Variants in CACNB4 observed in about 807,000 individuals in gnomAD.
The protein encoded by CACNB4 is voltage-dependent L-type calcium channel subunit beta-4.
Under a neutral mutation model 71.2 loss-of-function variants are expected in CACNB4, and 32 were observed. That is an observed-to-expected ratio of 0.45 (90% CI 0.34 to 0.60). The LOEUF is 0.60. Among genes scored for constraint, CACNB4 ranks in the 20% least tolerant of loss-of-function variants. CACNB4 has a pLI of 0.01. For missense variants in CACNB4, 464 were observed against 647.9 expected, an observed-to-expected ratio of 0.72 and a Z score of 3.08; for synonymous variants, 231 against 236.9, an observed-to-expected ratio of 0.97 and a Z score of 0.23.
In CACNB4 at chr2:151,869,095, G is replaced by A. The variant is rs141181998; in HGVS notation, c.758+82C>T. On this transcript the variant is annotated intron_variant, in intron 9 of 13. Transcript: ENST00000539935. ...TAACTAGAGAACTTCTGAAATCTCT[G>A]GAAACATAGATCTACAATTCAATTT... is the stretch of plus-strand genomic sequence containing the variant. The A allele has an allele frequency of 1.5e-3, 1,256 of 817,522 alleles. 5 individuals are homozygous for A. Among genetic ancestry groups the A allele is most frequent in the Non-Finnish European group, 1.8e-3 (900 of 488,206 alleles). 50.6% of individuals were successfully genotyped at this position (817,522 alleles called of 1,614,324 possible).
chr2:151,884,944 G>A (rs1017680730), intron 2 of CACNB4, among the ~76,000 whole-genome samples: 11 of 152,166 alleles, frequency 7.2e-5, no homozygotes, highest in African/African-American at 1.7e-4. Context: ...TGTCCACTGA[G>A]TGGGGGAAAA....
At chr2:152,013,529 G>A (rs891460864) in intron 2 of CACNB4, among the ~76,000 whole-genome samples, 4 of 152,080 alleles carry the variant, frequency 2.6e-5, no homozygotes, top group Admixed American at 2.6e-4. Flanking sequence ...CTGTGTCCTT[G>A]TGAGTCCCAT....
intron 2 of CACNB4, among the ~76,000 whole-genome samples, chr2:151,994,271 C>T (rs1681909732): frequency 6.6e-6 from 1 of 152,030 alleles, no homozygotes; most frequent in East Asian, 1.9e-4. Flanking sequence ...ACTCTGTCGC[C>T]CAGGCTGGAG....
At chr2:152,044,965 T>TG (rs1380853221) in intron 2 of CACNB4, among the ~76,000 whole-genome samples, 2 of 149,626 alleles carry the variant, frequency 1.3e-5, no homozygotes, top group Admixed American at 1.3e-4. Flanking sequence ...GAAGAGACGG[T>TG]GGGGGGTTGG....
At chr2:152,059,234 G>A (rs1161566854) in intron 2 of CACNB4, among the ~76,000 whole-genome samples, 1 of 152,200 alleles carries the variant, frequency 6.6e-6, no homozygotes, top group Non-Finnish European at 1.5e-5. Flanking sequence ...GTGAGAAGAG[G>A]ACCACCATTC....
chr2:151,956,285 G>C (rs2099868231), intron 2 of CACNB4, among the ~76,000 whole-genome samples: 1 of 152,314 alleles, frequency 6.6e-6, no homozygotes, highest in East Asian at 1.9e-4. Flanking sequence ...CCACAAAGTG[G>C]AAACAGCCCA....
chr2:152,065,621 A>T (rs1686272346), intron 2 of CACNB4, among the ~76,000 whole-genome samples: 1 of 152,222 alleles, frequency 6.6e-6, no homozygotes, highest in Non-Finnish European at 1.5e-5. Flanking sequence ...ACTTTCCTAC[A>T]TTCTACTTGG....
chr2:152,019,428 G>T (rs1376509190), intron 2 of CACNB4, among the ~76,000 whole-genome samples: 1 of 152,082 alleles, frequency 6.6e-6, no homozygotes, highest in Non-Finnish European at 1.5e-5. Context: ...ATTATTCTCA[G>T]ATTTTGAGCT....
chr2:152,049,017 A>G (rs1685276993), intron 2 of CACNB4, among the ~76,000 whole-genome samples: 1 of 152,124 alleles, frequency 6.6e-6, no homozygotes, highest in South Asian at 2.1e-4. Flanking sequence ...GGTAACAATC[A>G]ATTGCAATTT....
intron 2 of CACNB4, among the ~76,000 whole-genome samples, chr2:151,913,765 C>CAAA (rs35438699): frequency 0.023 from 2,758 of 120,122 alleles, 115 homozygotes; most frequent in African/African-American, 0.07. Context: ...GACTCCATCT[C>CAAA]AAAAAAAAAA....
intron 2 of CACNB4, among the ~76,000 whole-genome samples, chr2:152,047,566 T>G (rs1579196851): frequency 6.6e-6 from 1 of 152,310 alleles, no homozygotes; most frequent in East Asian, 1.9e-4. Context: ...AACTTCTGCT[T>G]TCTTGAAATG....
chr2:151,853,537 G>T lies in CACNB4; in HGVS notation c.1027C>A (p.Gln343Lys). The change falls in exon 12 of 14, where the codon CAG (glutamine) becomes AAG (lysine). Residue 343 changes from glutamine (Q) to lysine (K), a missense_variant. By Grantham distance (53) the Gln-to-Lys change is moderately conservative. Around this residue, in one of 3 missense-constraint regions of CACNB4, gnomAD observed 299 missense variants for 471.7 expected, o/e 0.63. Transcript: ENST00000539935. ...TTTCCTCTAGATTTAATCAACCGCT[G>T]TAAAACCTGATAGAAGAAGACATGA... Reference protein sequence around the residue: ...HVKVSSPKVLQRLIKSRGKSQ... With the variant: ...HVKVSSPKVLKRLIKSRGKSQ... 1 of 1,574,722 alleles carries T rather than the reference G, an allele frequency of 6.4e-7. No homozygotes were observed. Among genetic ancestry groups the T allele is most frequent in the South Asian group, 1.2e-5 (1 of 85,150 alleles).
At chr2:151,925,035 T>G (rs780811990) in intron 2 of CACNB4, among the ~76,000 whole-genome samples, 17 of 152,250 alleles carry the variant, frequency 1.1e-4, no homozygotes, top group Non-Finnish European at 2.4e-4. Flanking sequence ...TTTATTCCTC[T>G]GCCTCTCCCA....
intron 2 of CACNB4, among the ~76,000 whole-genome samples, chr2:152,003,195 C>A (rs984951197): frequency 6.6e-6 from 1 of 152,208 alleles, no homozygotes; most frequent in Non-Finnish European, 1.5e-5. Context: ...GTAATCCCAG[C>A]ACTTTGGGAG....
At position 152,099,041 on chromosome 2, in the gene CACNB4, G is replaced by C. The variant is rs774129535; in HGVS notation, c.-30C>G. On this transcript the variant is annotated 5_prime_UTR_variant, in exon 1 of 14. Coordinates refer to ENST00000539935, the MANE Select transcript of CACNB4 (RefSeq NM_000726.5). ...CAGAGCCGCCGCATGGCCAGCCCGT[G>C]TGCGGTGGGCGGAGGGGGCTGGCCC... 6.7e-7 allele frequency: 1 copy of C among 1,495,148 alleles called. No homozygotes were observed. Among genetic ancestry groups the C allele is most frequent in the African/African-American group, 1.4e-5 (1 of 69,068 alleles). The allele number at this position is 1,495,148 out of a possible 1,614,324, so 92.6% of individuals were successfully genotyped here.
intron 12 of CACNB4, chr2:151,851,532 T>G (rs1321523398): frequency 2.6e-5 from 4 of 152,234 alleles, no homozygotes; most frequent in Non-Finnish European, 4.4e-5. Flanking sequence ...GTATATTAGT[T>G]GCTTTTACAG....
chr2:151,947,982 C>T (rs2099866004), intron 2 of CACNB4, among the ~76,000 whole-genome samples: 1 of 152,154 alleles, frequency 6.6e-6, no homozygotes, highest in East Asian at 1.9e-4. Flanking sequence ...CTGAGGAGCT[C>T]AGGCCTTCAA....
At chr2:151,897,164 A>G (rs2099852297) in intron 2 of CACNB4, among the ~76,000 whole-genome samples, 1 of 152,236 alleles carries the variant, frequency 6.6e-6, no homozygotes, top group South Asian at 2.1e-4. Flanking sequence ...TCGAGGTCCT[A>G]TGAGAGAAGT....
chr2:151,882,573 C>A (rs2099848192), intron 3 of CACNB4, among the ~76,000 whole-genome samples: 1 of 151,944 alleles, frequency 6.6e-6, no homozygotes, highest in African/African-American at 2.4e-5. Flanking sequence ...TTCAAAAAAT[C>A]AAAAAGCAAA....
Sources: allele counts gnomAD v4.1 joint callset (sites outside exome capture counted in the v4.1 genomes callset), GRCh38; gene constraint gnomAD v4.1.1; regional missense constraint gnomAD v4.1.1; transcripts MANE v1.5; gene names NCBI Gene and HGNC (gene_info 2026-07-23, HGNC 2026-07-21).